MPV17: variants seen among roughly 807,000 people sequenced by gnomAD.
MPV17 encodes mitochondrial inner membrane protein MPV17, also known as MPV17, mitochondrial inner membrane protein.
A neutral mutation model predicts 28.6 loss-of-function variants in MPV17; 31 were observed. The observed-to-expected ratio is 1.08, with a 90% CI of 0.81 to 1.46. The LOEUF is 1.46. Ranked by LOEUF, MPV17 falls within the 40% of genes most tolerant of loss-of-function variation. The pLI, the probability that MPV17 is intolerant of heterozygous loss-of-function variation, is 0.00. For synonymous variants in MPV17, 87 were observed against 85.3 expected, an observed-to-expected ratio of 1.02 and a Z score of -0.11; for missense variants, 198 against 216.2, an observed-to-expected ratio of 0.92 and a Z score of 0.53.
intron 7 of MPV17, chr2:27,311,397 T>G (rs1679433522): frequency 3.3e-6 from 2 of 604,118 alleles, no homozygotes; most frequent in South Asian, 2.0e-5. Flanking sequence ...CTCATGTACA[T>G]TTTGGCCCTG....
chr2:27,319,110 G>A (rs1272320764), intron 2 of MPV17, among the ~76,000 whole-genome samples: 1 of 152,102 alleles, frequency 6.6e-6, no homozygotes, highest in African/African-American at 2.4e-5. Flanking sequence ...AAGGGACTGA[G>A]CAACAGCTGC....
chr2:27,314,908 CT>C (rs1679594695), intron 2 of MPV17, among the ~76,000 whole-genome samples: 1 of 152,232 alleles, frequency 6.6e-6, no homozygotes, highest in South Asian at 2.1e-4. Flanking sequence ...GGCCCTGCCC[CT>C]GAGCAGCCTA....
chr2:27,321,056 G>A (rs1023589109), intron 2 of MPV17, among the ~76,000 whole-genome samples: 3 of 152,154 alleles, frequency 2.0e-5, no homozygotes, highest in African/African-American at 7.2e-5. Flanking sequence ...GCCACATGTC[G>A]GCACCTAGGC....
intron 3 of MPV17, 98 bp from the exon 4 acceptor site, chr2:27,312,870 G>A (rs1217230153): frequency 2.0e-6 from 3 of 1,531,420 alleles, no homozygotes; most frequent in Non-Finnish European, 2.7e-6. Context: ...TAGGGGAAGT[G>A]GACACTAAGA....
chr2:27,312,826 T>C, intron 3 of MPV17, 54 bp from the exon 4 acceptor site: 3 of 1,579,088 alleles, frequency 1.9e-6, no homozygotes, highest in East Asian at 2.2e-5. Flanking sequence ...CCTAGGCCTC[T>C]ACCTCACTAA....
chr2:27,315,853 C>T, intron 2 of MPV17: 1 of 1,319,840 alleles, frequency 7.6e-7, no homozygotes, highest in Non-Finnish European at 9.7e-7. Context: ...TGAGCCACGG[C>T]ACCCAGCCTA....
intron 2 of MPV17, 162 bp from the exon 3 acceptor site, chr2:27,313,271 C>A: frequency 6.8e-7 from 1 of 1,480,322 alleles, no homozygotes. Flanking sequence ...CCTCAAAGCC[C>A]TCACCTCCCC....
chr2:27,311,019 AGGCGTGAGCCACTGT>A lies in MPV17; in HGVS notation c.461+865_461+879del, dbSNP rs1384740697. 3 of 137,496 alleles carry A rather than the reference AGGCGTGAGCCACTGT, an allele frequency of 2.2e-5. No individual in the cohort carries two copies. In the East Asian group the frequency reaches 6.5e-4, roughly 30 times the overall value. The allele number at this position is 137,496 out of a possible 1,614,324, so 8.5% of individuals were successfully genotyped here. A position where few individuals can be genotyped will look rare whatever the true frequency, so the allele number is the denominator to read the frequency against. ...CAGCCTCCCAAAGTGTTGGGATTAC[AGGCGTGAGCCACTGT>A]GTCCAGCCTTTTTTTTTTTTTTTTT... On this transcript the variant is annotated intron_variant, in intron 7 of 7. Coordinates refer to ENST00000380044, the MANE Select transcript of MPV17 (RefSeq NM_002437.5).
chr2:27,309,597 A>G lies in MPV17; in HGVS notation c.*315T>C, dbSNP rs942482050. ...AAGAAGCCTAGGCAGGGTTAGAGTA[A>G]CAAATGTGTCTATGAAGAGTGGGGA... On this transcript the variant is annotated 3_prime_UTR_variant, in exon 8 of 8. Transcript: ENST00000380044. The G allele has an allele frequency of 1.4e-5, 8 of 572,666 alleles. No individual in the cohort carries two copies. The highest frequency in any genetic ancestry group is 3.7e-5 in the African/African-American group (2 of 53,556). 35.5% of individuals were successfully genotyped at this position (572,666 alleles called of 1,614,324 possible).
At chr2:27,316,246 A>C in intron 2 of MPV17, 1 of 1,540,386 alleles carries the variant, frequency 6.5e-7, no homozygotes, top group Non-Finnish European at 8.8e-7. Flanking sequence ...ACAGTCACAC[A>C]ACAAGCTAGA....
At chr2:27,313,650 T>C (rs1041719161) in intron 2 of MPV17, among the ~76,000 whole-genome samples, 4 of 152,132 alleles carry the variant, frequency 2.6e-5, no homozygotes, top group Admixed American at 2.0e-4. Flanking sequence ...CCAAGCCCAA[T>C]GCAAGACCCT....
At chr2:27,318,988 C>T (rs1270094696) in intron 2 of MPV17, among the ~76,000 whole-genome samples, 1 of 152,114 alleles carries the variant, frequency 6.6e-6, no homozygotes, top group Non-Finnish European at 1.5e-5. Flanking sequence ...TGGTCTCAAA[C>T]TTCCGACCTC....
chr2:27,322,427 A>T (rs1370227510), intron 2 of MPV17, 21 bp downstream of exon 2: 1 of 1,608,714 alleles, frequency 6.2e-7, no homozygotes, highest in East Asian at 2.2e-5. Context: ...GGTCCCACTC[A>T]AGTCCTAGAG....
At chr2:27,319,441 G>A (rs1315070124) in intron 2 of MPV17, among the ~76,000 whole-genome samples, 2 of 145,392 alleles carry the variant, frequency 1.4e-5, no homozygotes, top group African/African-American at 5.1e-5. Flanking sequence ...AGGATCCTCT[G>A]TTGCCCAGGC....
intron 2 of MPV17, among the ~76,000 whole-genome samples, chr2:27,314,597 C>T (rs568535459): frequency 2.0e-5 from 3 of 152,308 alleles, no homozygotes; most frequent in Admixed American, 6.5e-5. Context: ...CACCCAGAAA[C>T]GATGAAAGAA....
rs527829471 is a variant in MPV17 at position 27,317,596 on chromosome 2, C to T, written c.71-4487G>A. ...CTGCCTCAGTTTCCTTCTCTGCAGT[C>T]TCCTGGGCTGGACAGGATTGTATGT... On this transcript the variant is annotated intron_variant, in intron 2 of 7. Coordinates refer to ENST00000380044, the MANE Select transcript of MPV17 (RefSeq NM_002437.5). The surrounding 1 kb of genome is among the most constrained non-coding windows in gnomAD (Gnocchi z 4.0). 6.6e-6 allele frequency among the ~76,000 whole-genome samples: 1 copy of T among 152,290 alleles called. No homozygotes were observed. The highest frequency in any genetic ancestry group is 1.9e-4 in the East Asian group (1 of 5,186).
chr2:27,320,230 C>G (rs999175891), intron 2 of MPV17, among the ~76,000 whole-genome samples: 2 of 151,358 alleles, frequency 1.3e-5, no homozygotes, highest in African/African-American at 2.4e-5. Context: ...GTGCAAGACT[C>G]CATCTCGAAG....
At chr2:27,319,149 T>C (rs1679764014) in intron 2 of MPV17, among the ~76,000 whole-genome samples, 1 of 151,880 alleles carries the variant, frequency 6.6e-6, no homozygotes, top group Admixed American at 6.6e-5. Flanking sequence ...CAATAATGCA[T>C]CCTTAGAGTG....
chr2:27,312,736 G>A lies in MPV17; in HGVS notation c.223C>T (p.Arg75Trp), dbSNP rs370061168. 19 of 1,614,152 alleles carry A rather than the reference G, an allele frequency of 1.2e-5. No homozygotes were observed. Among genetic ancestry groups the A allele is most frequent in the East Asian group, 4.5e-5 (2 of 44,876 alleles). Reference protein sequence around the residue: ...VVGGWYKVLDRFIPGTTKVDA... With the variant: ...VVGGWYKVLDWFIPGTTKVDA... ...ACTTTGGTGGTGCCAGGGATGAACC[G>A]ATCCAAAACCTTGTACCAGCCTCCT... The change falls in exon 4 of 8, where the codon CGG (arginine) becomes TGG (tryptophan). Residue 75 changes from arginine (R) to tryptophan (W), a missense_variant. Transcript: ENST00000380044.
Sources: gnomAD v4.1 joint callset for allele counts (sites outside exome capture counted in the v4.1 genomes callset) on GRCh38, gnomAD v4.1.1 for gene constraint, Gnocchi (gnomAD v3.1) non-coding constraint, MANE v1.5 for transcripts, NCBI Gene and HGNC (gene_info 2026-07-23, HGNC 2026-07-21) for gene names.